PLXND1: variants seen among roughly 807,000 people sequenced by gnomAD.
PLXND1 encodes plexin D1.
Under a neutral mutation model 197.7 loss-of-function variants are expected in PLXND1, and 54 were observed. The ratio of observed to expected loss-of-function variants is 0.27; its 90% confidence interval spans 0.22 to 0.34. The LOEUF (loss-of-function observed/expected upper bound fraction) is 0.34. Among genes scored for constraint, PLXND1 ranks in the 10% least tolerant of loss-of-function variants. PLXND1 has a pLI of 1.00. For synonymous variants in PLXND1, 1,180 were observed against 1,161.2 expected (o/e 1.02, Z -0.33); for missense variants, 2,127 against 2,699.2 (o/e 0.79, Z 4.70).
chr3:129,586,933 C>G (rs1172499653), intron 2 of PLXND1, among the ~76,000 whole-genome samples: 3 of 152,216 alleles, frequency 2.0e-5, no homozygotes, highest in African/African-American at 7.2e-5. Flanking sequence ...TCCTTCTGGG[C>G]TCGTCTCCAA....
rs1469713899 is a variant in PLXND1 at position 129,571,607 on chromosome 3, G to T, written c.3246-8C>A. On this transcript the variant is annotated splice_region_variant and splice_polypyrimidine_tract_variant and intron_variant, in intron 16 of 35. Coordinates refer to ENST00000324093, the MANE Select transcript of PLXND1 (RefSeq NM_015103.3). ...GTGATGGTCCTGCCGCCACTGCGGG[G>T]GACAGCAAAACCTATCAGTGCACCT... The T allele has an allele frequency of 6.2e-7, 1 of 1,613,872 alleles. No individual in the cohort carries two copies. The highest frequency in any genetic ancestry group is 1.1e-5 in the South Asian group (1 of 91,084).
chr3:129,560,224 C>G (rs2085036954), intron 31 of PLXND1, 106 bp downstream of exon 31: 3 of 711,402 alleles, frequency 4.2e-6, no homozygotes, highest in Non-Finnish European at 7.4e-6. Context: ...AACTCACACC[C>G]CTCTCCCAGC....
Position 129,561,639 on chromosome 3 carries a change from G to A in PLXND1, c.4993+7C>T, listed in dbSNP as rs199825126. On this transcript the variant is annotated splice_region_variant and intron_variant, in intron 29 of 35. Coordinates refer to ENST00000324093, the MANE Select transcript of PLXND1 (RefSeq NM_015103.3). ...CTGGGCTCCCTTCCCACGTGCACCC[G>A]CACTACCTCGGCCCAGTGTGTTGTC... The A allele has an allele frequency of 1.2e-4, 196 of 1,599,142 alleles. No homozygotes were observed. In the East Asian group the frequency reaches 2.9e-3, roughly 24 times the overall value.
chr3:129,566,227 G>A, intron 23 of PLXND1: 1 of 607,274 alleles, frequency 1.6e-6, no homozygotes, highest in East Asian at 2.8e-5. Context: ...GTGCCTGGAG[G>A]TAACCTGGCA....
chr3:129,584,358 G>T (rs759843838), intron 6 of PLXND1, 27 bp downstream of exon 6: 11 of 1,608,128 alleles, frequency 6.8e-6, no homozygotes, highest in Non-Finnish European at 8.5e-6. Flanking sequence ...CCCCTCTGGG[G>T]CTGTGCCAAC....
chr3:129,570,840 G>A lies in PLXND1; in HGVS notation c.3696C>T (p.Ile1232=), dbSNP rs763235755. The change falls in exon 19 of 36, where the codon ATC becomes ATT. Residue 1232 remains isoleucine (I), a synonymous_variant. Coordinates refer to ENST00000324093, the MANE Select transcript of PLXND1 (RefSeq NM_015103.3). The part of the protein sequence containing the change: ...CDIQIVSDRI[I]HCSVNESLGA... The stretch of plus-strand genomic sequence containing the variant: ...CCAGGGACTCGTTGACCGAGCAGTG[G>A]ATGATTCTGTCAGAGACAATCTGGA... 6.2e-7 allele frequency: 1 copy of A among 1,614,190 alleles called. No individual in the cohort carries two copies. The highest frequency in any genetic ancestry group is 8.5e-7 in the Non-Finnish European group (1 of 1,180,002).
At chr3:129,601,052 AC>A (rs2085700627) in intron 1 of PLXND1, among the ~76,000 whole-genome samples, 1 of 152,080 alleles carries the variant, frequency 6.6e-6, no homozygotes, top group African/African-American at 2.4e-5. Flanking sequence ...AGTCTGCCCC[AC>A]CTTGTTGGGT....
Position 129,556,323 on chromosome 3 carries a change from T to C in PLXND1, c.5767A>G (p.Ser1923Gly), listed in dbSNP as rs149917682. The C allele has an allele frequency of 6.9e-5, 111 of 1,609,356 alleles. No individual in the cohort carries two copies. The highest frequency in any genetic ancestry group is 9.4e-5 in the Non-Finnish European group (110 of 1,175,680). The stretch of plus-strand genomic sequence containing the variant: ...ACTCTCCATGTGTCTCAGGCCTCAC[T>C]GTAGCACTCGTAGATGTTGTCCTCC... ...LMEDNIYECY[S>G]EA Residue 1923 changes from serine (S) to glycine (G), a missense_variant, in exon 36 of 36, where the codon AGT becomes GGT. By Grantham distance (56) the Ser-to-Gly change is moderately conservative. This residue lies in a region of PLXND1 where 200 missense variants were observed against 303.3 expected (regional missense o/e 0.66). Coordinates refer to ENST00000324093, the MANE Select transcript of PLXND1 (RefSeq NM_015103.3).
Position 129,558,821 on chromosome 3 carries a change from C to G in PLXND1, c.5298-246G>C, listed in dbSNP as rs777583295. The G allele has an allele frequency of 1.8e-5, 8 of 443,596 alleles. No individual in the cohort carries two copies. Among genetic ancestry groups the G allele is most frequent in the African/African-American group, 1.2e-4 (6 of 50,346 alleles). 27.5% of individuals were successfully genotyped at this position (443,596 alleles called of 1,614,324 possible). A position where few individuals can be genotyped will look rare whatever the true frequency, so the allele number is the denominator to read the frequency against. ...GGGCTTAGCTGTACCCCCCAACCCC[C>G]TCCTGAGCCTCCAGTCAGGTCCTGG... On this transcript the variant is annotated intron_variant, in intron 32 of 35. Transcript: ENST00000324093. The surrounding 1 kb of genome is among the most constrained non-coding windows in gnomAD (Gnocchi z 4.1).
chr3:129,578,418 G>T lies in PLXND1; in HGVS notation c.2257C>A (p.Pro753Thr). The T allele has an allele frequency of 1.9e-6, 3 of 1,596,606 alleles. No individual in the cohort carries two copies. Among genetic ancestry groups the T allele is most frequent in the South Asian group, 1.1e-5 (1 of 87,700 alleles). The change falls in exon 9 of 36, where the codon CCC becomes ACC. Residue 753 changes from proline to threonine, a missense_variant. Transcript: ENST00000324093. The part of the protein sequence containing the change: ...SPNPTSPQDC[P>T]RTLLSPLAPV... ...GCCAGGGGTGAGAGCAGGGTCCGGGGGCAGTCCTGAGGGCTCTGCAGAGGA... is the reference window on the plus strand; with the variant it reads ...GCCAGGGGTGAGAGCAGGGTCCGGGTGCAGTCCTGAGGGCTCTGCAGAGGA...
At position 129,586,700 on chromosome 3, in the gene PLXND1, A is replaced by G; in HGVS notation, c.1508T>C (p.Met503Thr). 1.9e-6 allele frequency: 3 copies of G among 1,599,122 alleles called. No homozygotes were observed. Among genetic ancestry groups the G allele is most frequent in the Non-Finnish European group, 2.6e-6 (3 of 1,172,528 alleles). ...CACCACCCGCCTGCTCACCACCTGC[A>G]TGCTCTCGTTCAGGTTGATCTGTGG... ...RLLKINLNES[M>T]QVVSRRVVTV... The change falls in exon 3 of 36, where the codon ATG becomes ACG. Residue 503 changes from methionine (M) to threonine (T), a missense_variant. Coordinates refer to ENST00000324093, the MANE Select transcript of PLXND1 (RefSeq NM_015103.3).
At chr3:129,578,228 C>T (rs1054880896) in intron 9 of PLXND1, 101 bp downstream of exon 9, 6 of 758,980 alleles carry the variant, frequency 7.9e-6, no homozygotes, top group Non-Finnish European at 1.4e-5. Flanking sequence ...CTGCAGTGGG[C>T]CCAGAGCAGG....
intron 1 of PLXND1, among the ~76,000 whole-genome samples, chr3:129,602,430 T>TC (rs2085722937): frequency 6.6e-6 from 1 of 152,184 alleles, no homozygotes; most frequent in Admixed American, 6.5e-5. Flanking sequence ...TTCCTCCTGC[T>TC]CCTCCGCCCC....
At chr3:129,590,558 C>T (rs146233237) in intron 1 of PLXND1, among the ~76,000 whole-genome samples, 189 of 152,270 alleles carry the variant, frequency 1.2e-3, no homozygotes, top group African/African-American at 4.2e-3. Context: ...GCCCCCATCC[C>T]GCAGTGACGC....
rs1244580117 is a variant in PLXND1, at chr3:129,586,732, T to C, written c.1489-13A>G. 6.3e-7 allele frequency: 1 copy of C among 1,598,556 alleles called. No homozygotes were observed. Among genetic ancestry groups the C allele is most frequent in the Admixed American group, 1.7e-5 (1 of 58,070 alleles). ...CGTTCAGGTTGATCTGTGGGGGTAG[T>C]GGGCATCAGGGTGCTGGAGCCCATA... On this transcript the variant is annotated splice_polypyrimidine_tract_variant and intron_variant, in intron 2 of 35. Coordinates refer to ENST00000324093, the MANE Select transcript of PLXND1 (RefSeq NM_015103.3).
At chr3:129,566,367 G>A (rs1203929286) in intron 23 of PLXND1, among the ~76,000 whole-genome samples, 160 bp downstream of exon 23, 1 of 152,194 alleles carries the variant, frequency 6.6e-6, no homozygotes. Context: ...ATGGCTGCCT[G>A]AATGCCTCCT....
At chr3:129,561,438 C>T (rs914132223) in intron 29 of PLXND1, among the ~76,000 whole-genome samples, 9 of 152,206 alleles carry the variant, frequency 5.9e-5, no homozygotes, top group Admixed American at 3.3e-4. Context: ...CTCCAGCTGC[C>T]GCAGGAAATC....
Position 129,555,864 on chromosome 3 carries a change from C to G in PLXND1, c.*448G>C. ...TTTGGTAGTTGAAGCAGAAACCAAT[C>G]AAAGGTCAGTTCAAGGAGGGCTCCC... On this transcript the variant is annotated 3_prime_UTR_variant, in exon 36 of 36. Transcript: ENST00000324093. 3.3e-6 allele frequency: 1 copy of G among 303,434 alleles called. No homozygotes were observed. Among genetic ancestry groups the G allele is most frequent in the South Asian group, 5.5e-5 (1 of 18,134 alleles). The allele number at this position is 303,434 out of a possible 1,614,324, so 18.8% of individuals were successfully genotyped here.
intron 30 of PLXND1, 92 bp from the exon 31 acceptor site, chr3:129,560,526 A>G: frequency 9.9e-7 from 1 of 1,006,800 alleles, no homozygotes; most frequent in South Asian, 1.4e-5. Flanking sequence ...TTAGCACACA[A>G]GGGCTGTGGT....
Sources: allele counts gnomAD v4.1 joint callset (sites outside exome capture counted in the v4.1 genomes callset), GRCh38; gene constraint gnomAD v4.1.1; regional missense constraint gnomAD v4.1.1; non-coding constraint Gnocchi (gnomAD v3.1); transcripts MANE v1.5; gene names NCBI Gene and HGNC (gene_info 2026-07-23, HGNC 2026-07-21).